RIN2: variants seen among roughly 807,000 people sequenced by gnomAD.
RIN2 encodes RAB5 interacting protein 2.
In RIN2, 36 loss-of-function variants were observed where a neutral mutation model predicts 78.0. The observed-to-expected ratio is 0.46, with a 90% confidence interval of 0.35 to 0.61. The LOEUF is 0.61. RIN2 is among the 20% of genes least tolerant of loss of function. The pLI is 0.00. For missense variants in RIN2, 1,087 were observed against 1,159.7 expected, an observed-to-expected ratio of 0.94 and a Z score of 0.91; for synonymous variants, 466 against 466.8, an observed-to-expected ratio of 1.00 and a Z score of 0.02.
chr20:19,911,858 A>AT (rs1028429635), intron 3 of RIN2, among the ~76,000 whole-genome samples: 1 of 152,180 alleles, frequency 6.6e-6, no homozygotes, highest in African/African-American at 2.4e-5. Context: ...TGTATGTGAC[A>AT]TTTTTTACAA....
chr20:19,845,387 C>A (rs1254950735), intron 2 of RIN2, among the ~76,000 whole-genome samples: 1 of 152,192 alleles, frequency 6.6e-6, no homozygotes, highest in Non-Finnish European at 1.5e-5. Context: ...ACATCCTCTC[C>A]AGCATCTGTT....
chr20:19,847,563 G>A (rs1230181097), intron 2 of RIN2, among the ~76,000 whole-genome samples: 1 of 152,154 alleles, frequency 6.6e-6, no homozygotes, highest in East Asian at 1.9e-4. Context: ...CAGCACAGTA[G>A]TCCCAGAATA....
At chr20:19,978,313 A>G (rs1024308612) in intron 9 of RIN2, among the ~76,000 whole-genome samples, 12 of 152,236 alleles carry the variant, frequency 7.9e-5, no homozygotes, top group Admixed American at 7.8e-4. Context: ...TAATCCATGT[A>G]TGTTAGAGCA....
At chr20:19,920,956 AGCC>A (rs1177289080) in intron 3 of RIN2, among the ~76,000 whole-genome samples, 2 of 152,106 alleles carry the variant, frequency 1.3e-5, no homozygotes, top group African/African-American at 4.8e-5. Context: ...TAGAGGCGTG[AGCC>A]GCCATGCCCA....
chr20:19,868,935 A>G (rs1297441662), intron 2 of RIN2, among the ~76,000 whole-genome samples: 3 of 152,112 alleles, frequency 2.0e-5, no homozygotes, highest in African/African-American at 7.2e-5. Flanking sequence ...ACAAAAAGTT[A>G]GCTGGGTGTG....
At chr20:19,761,693 A>G (rs891394748) in intron 1 of RIN2, among the ~76,000 whole-genome samples, 2 of 152,190 alleles carry the variant, frequency 1.3e-5, no homozygotes, top group Non-Finnish European at 2.9e-5. Context: ...AAGCATAATA[A>G]TCCACCCTTG....
intron 9 of RIN2, among the ~76,000 whole-genome samples, chr20:19,982,862 T>G (rs1437325114): frequency 3.3e-5 from 5 of 152,168 alleles, no homozygotes; most frequent in Admixed American, 6.5e-5. Context: ...CCCAGCTGCC[T>G]CTTCTCCAGG....
chr20:19,911,922 C>G (rs879943253), intron 3 of RIN2, among the ~76,000 whole-genome samples: 1 of 152,112 alleles, frequency 6.6e-6, no homozygotes, highest in Admixed American at 6.6e-5. Context: ...GCCCAGCGTA[C>G]AGATGTGCAG....
intron 3 of RIN2, among the ~76,000 whole-genome samples, chr20:19,906,385 G>A (rs193233889): frequency 2.1e-3 from 321 of 152,308 alleles, no homozygotes; most frequent in Non-Finnish European, 3.7e-3. Context: ...GGAGGTTGAG[G>A]CTGTAGTGAG....
chr20:19,883,703 G>A (rs1328417061), intron 2 of RIN2, among the ~76,000 whole-genome samples: 2 of 152,028 alleles, frequency 1.3e-5, no homozygotes, highest in Non-Finnish European at 2.9e-5. Context: ...GTGGTCACAT[G>A]GCCAGTAACT....
At chr20:19,776,220 G>T (rs1395172992) in intron 1 of RIN2, among the ~76,000 whole-genome samples, 1 of 152,102 alleles carries the variant, frequency 6.6e-6, no homozygotes. Context: ...CCTCCCTTTG[G>T]GAATTCAGGC....
At chr20:19,852,687 G>C (rs1026476099) in intron 2 of RIN2, among the ~76,000 whole-genome samples, 2 of 152,022 alleles carry the variant, frequency 1.3e-5, no homozygotes, top group African/African-American at 2.4e-5. Flanking sequence ...CCTCCTCTCT[G>C]ATCATTCTTA....
intron 2 of RIN2, among the ~76,000 whole-genome samples, chr20:19,831,200 AAGG>A (rs1393800518): frequency 5.3e-5 from 8 of 152,320 alleles, no homozygotes; most frequent in Non-Finnish European, 1.0e-4. Context: ...TGCTCTCAGC[AAGG>A]AGATGTCTGG....
At chr20:19,766,372 C>T (rs115415376) in intron 1 of RIN2, among the ~76,000 whole-genome samples, 1,549 of 152,268 alleles carry the variant, frequency 0.01, 32 homozygotes, top group African/African-American at 0.035. Flanking sequence ...CTCTTTTAAA[C>T]TGTGCTTCCA....
chr20:19,786,178 CT>C (rs530950405), intron 1 of RIN2, among the ~76,000 whole-genome samples: 88 of 152,312 alleles, frequency 5.8e-4, no homozygotes, highest in African/African-American at 2.1e-3. Flanking sequence ...TCTCTTGAGT[CT>C]GAGTGGGTTT....
At chr20:19,782,648 G>T (rs2034548205) in intron 1 of RIN2, among the ~76,000 whole-genome samples, 2 of 151,550 alleles carry the variant, frequency 1.3e-5, no homozygotes, top group African/African-American at 4.8e-5. Flanking sequence ...ATGTCCCCAA[G>T]AATTGGAAAA....
intron 4 of RIN2, among the ~76,000 whole-genome samples, chr20:19,944,318 C>T (rs935863404): frequency 3.3e-5 from 5 of 152,148 alleles, no homozygotes; most frequent in Admixed American, 6.6e-5. Context: ...CTCCCAACCC[C>T]GCTAAGTCCT....
At chr20:19,947,493 A>G (rs1010861784) in intron 4 of RIN2, among the ~76,000 whole-genome samples, 4 of 152,158 alleles carry the variant, frequency 2.6e-5, no homozygotes, top group Admixed American at 6.5e-5. Flanking sequence ...TGAATCTTAA[A>G]CCATAATTTA....
At chr20:19,903,326 C>A (rs1470629022) in intron 3 of RIN2, among the ~76,000 whole-genome samples, 2 of 152,052 alleles carry the variant, frequency 1.3e-5, no homozygotes, top group African/African-American at 4.8e-5. Context: ...GCCATTTCGT[C>A]GTTTTTGTGG....
Sources: gnomAD v4.1 joint callset for allele counts (sites outside exome capture counted in the v4.1 genomes callset) on GRCh38, gnomAD v4.1.1 for gene constraint, MANE v1.5 for transcripts, NCBI Gene and HGNC (gene_info 2026-07-23, HGNC 2026-07-21) for gene names.